RGS6: variants seen among roughly 807,000 people sequenced by gnomAD.
RGS6 encodes regulator of G-protein signaling 6.
Under a neutral mutation model 78.5 loss-of-function variants are expected in RGS6, and 30 were observed. That is an observed-to-expected ratio of 0.38 (90% CI 0.29 to 0.52). The LOEUF (loss-of-function observed/expected upper bound fraction) is 0.52, where lower values mean the gene tolerates loss of function less well. Among genes scored for constraint, RGS6 ranks in the 20% least tolerant of loss-of-function variants. The probability of loss-of-function intolerance (pLI) is 0.85; values close to 1 mark genes in which losing one functional copy is unlikely to be tolerated. For synonymous variants in RGS6, 206 were observed against 206.0 expected (o/e 1.00, Z 0.00); for missense variants, 495 against 609.7 (o/e 0.81, Z 1.98).
intron 2 of RGS6, among the ~76,000 whole-genome samples, chr14:72,088,658 C>A (rs7141640): frequency 0.29 from 44,417 of 151,738 alleles, 8,090 homozygotes; most frequent in African/African-American, 0.5. Flanking sequence ...AGGCTTCAAT[C>A]AGACCAGATC....
chr14:72,137,065 A>T (rs2096455597), intron 2 of RGS6, among the ~76,000 whole-genome samples: 1 of 152,104 alleles, frequency 6.6e-6, no homozygotes, highest in Admixed American at 6.5e-5. Flanking sequence ...AAGGAAAGCC[A>T]CTCAGATCAC....
chr14:71,905,030 A>G, the RGS6 span, among the ~76,000 whole-genome samples: 15 of 152,158 alleles, frequency 9.9e-5, no homozygotes, highest in African/African-American at 3.6e-4. Flanking sequence ...CTGCATTTTA[A>G]TAACACTCTT....
intron 2 of RGS6, among the ~76,000 whole-genome samples, chr14:72,332,165 G>A (rs777898735): frequency 2.0e-5 from 3 of 152,166 alleles, no homozygotes; most frequent in Non-Finnish European, 2.9e-5. Context: ...TGACAGACAC[G>A]GTGGGCTGCT....
chr14:72,243,514 A>G (rs571678199), intron 2 of RGS6, among the ~76,000 whole-genome samples: 1 of 152,358 alleles, frequency 6.6e-6, no homozygotes, highest in South Asian at 2.1e-4. Context: ...GGGTCTCTCC[A>G]TTGCATATTT....
chr14:72,095,463 T>C (rs767849429), intron 2 of RGS6, among the ~76,000 whole-genome samples: 9 of 152,176 alleles, frequency 5.9e-5, no homozygotes, highest in Non-Finnish European at 1.0e-4. Context: ...TGCAAAGTGG[T>C]GGTGCTGGCC....
At position 72,562,727 on chromosome 14, in the gene RGS6, A is replaced by G. The variant is rs1235731087; in HGVS notation, c.*260A>G. ...CTTCTTTGTACAGTTGTATTCCAAC[A>G]CTCCACTCGCTAAGAGGCCCTGATC... On this transcript the variant is annotated 3_prime_UTR_variant, in exon 18 of 18. Transcript: ENST00000553525. 2.6e-6 allele frequency: 4 copies of G among 1,535,804 alleles called. No homozygotes were observed. The highest frequency in any genetic ancestry group is 1.4e-5 in the African/African-American group (1 of 72,930).
chr14:71,970,844 T>G (rs1007751590), intron 2 of RGS6, among the ~76,000 whole-genome samples: 2 of 151,968 alleles, frequency 1.3e-5, no homozygotes, highest in East Asian at 3.9e-4. Context: ...AGAGGGGTCA[T>G]GTAGTCCATC....
intron 2 of RGS6, among the ~76,000 whole-genome samples, chr14:72,330,978 T>G (rs965627494): frequency 1.3e-5 from 2 of 152,176 alleles, no homozygotes; most frequent in Non-Finnish European, 2.9e-5. Context: ...GTTAATCAGT[T>G]CCTCATTGAC....
At chr14:72,146,356 C>T (rs1306956381) in intron 2 of RGS6, among the ~76,000 whole-genome samples, 1 of 152,194 alleles carries the variant, frequency 6.6e-6, no homozygotes, top group Non-Finnish European at 1.5e-5. Flanking sequence ...ATTCAAAATT[C>T]ACATTCTTCT....
intron 12 of RGS6, among the ~76,000 whole-genome samples, chr14:72,480,789 C>A (rs1598147396): frequency 6.6e-6 from 1 of 152,284 alleles, no homozygotes; most frequent in South Asian, 2.1e-4. Context: ...CCATCCTGAT[C>A]TGGCTTCCCT....
intron 2 of RGS6, among the ~76,000 whole-genome samples, chr14:72,276,123 C>T (rs1295698053): frequency 1.3e-5 from 2 of 152,160 alleles, no homozygotes; most frequent in East Asian, 3.9e-4. Context: ...TTGAAACTTG[C>T]ATTTTTATGT....
chr14:72,133,944 A>G (rs953167634), intron 2 of RGS6, among the ~76,000 whole-genome samples: 2 of 152,160 alleles, frequency 1.3e-5, no homozygotes, highest in East Asian at 3.9e-4. Context: ...TGGTTCCTCC[A>G]TGGAAGATCA....
chr14:72,118,102 G>A (rs142979391), intron 2 of RGS6, among the ~76,000 whole-genome samples: 37 of 152,104 alleles, frequency 2.4e-4, no homozygotes, highest in Middle Eastern at 6.8e-3. Context: ...TCTGGTGCTC[G>A]TGTGTGTACA....
At chr14:72,439,971 T>C (rs1224383095) in intron 3 of RGS6, among the ~76,000 whole-genome samples, 1 of 152,236 alleles carries the variant, frequency 6.6e-6, no homozygotes, top group Admixed American at 6.5e-5. Context: ...AGCCGCAGGC[T>C]GCTCCACAAT....
At chr14:72,444,016 T>C (rs942080002) in intron 3 of RGS6, among the ~76,000 whole-genome samples, 1 of 152,050 alleles carries the variant, frequency 6.6e-6, no homozygotes, top group Non-Finnish European at 1.5e-5. Flanking sequence ...TCCCGCACAC[T>C]CTCCCCTTGC....
At chr14:71,968,818 C>T (rs907464327) in intron 2 of RGS6, among the ~76,000 whole-genome samples, 1 of 152,192 alleles carries the variant, frequency 6.6e-6, no homozygotes, top group Non-Finnish European at 1.5e-5. Flanking sequence ...ATTAATGTCT[C>T]ACTTTTTTAT....
At chr14:71,907,375 G>A in the RGS6 span, among the ~76,000 whole-genome samples, 1 of 152,166 alleles carries the variant, frequency 6.6e-6, no homozygotes, top group Non-Finnish European at 1.5e-5. Context: ...GTAGATAAAA[G>A]AGGGGAAGAC....
At chr14:71,911,489 C>A in the RGS6 span, among the ~76,000 whole-genome samples, 2 of 152,168 alleles carry the variant, frequency 1.3e-5, no homozygotes, top group Non-Finnish European at 2.9e-5. Flanking sequence ...ACAGGCACCT[C>A]ATCCTTGCGT....
At chr14:72,190,505 A>C (rs922295670) in intron 2 of RGS6, among the ~76,000 whole-genome samples, 1 of 152,192 alleles carries the variant, frequency 6.6e-6, no homozygotes. Flanking sequence ...ATTGGTGGCT[A>C]CTTAGCAACA....
Sources: allele counts gnomAD v4.1 joint callset (sites outside exome capture counted in the v4.1 genomes callset), GRCh38; gene constraint gnomAD v4.1.1; transcripts MANE v1.5; gene names NCBI Gene and HGNC (gene_info 2026-07-23, HGNC 2026-07-21).